The following MTHFD1L variants were observed in gnomAD, a reference collection of about 807,000 sequenced individuals.
MTHFD1L encodes the protein methylenetetrahydrofolate dehydrogenase (NADP+ dependent) 1 like.
Under a neutral mutation model 119.5 loss-of-function variants are expected in MTHFD1L, and 81 were observed. The ratio of observed to expected loss-of-function variants is 0.68; its 90% CI spans 0.57 to 0.82. The LOEUF (loss-of-function observed/expected upper bound fraction) is 0.82. Ranked by LOEUF, MTHFD1L falls within the 40% of genes least tolerant of loss-of-function variation. The probability of loss-of-function intolerance (pLI) is 0.00; values close to 1 mark genes in which losing one functional copy is unlikely to be tolerated. For missense variants in MTHFD1L, 1,125 were observed against 1,253.4 expected, an observed-to-expected ratio of 0.90 and a Z score of 1.55; for synonymous variants, 430 against 475.2, an observed-to-expected ratio of 0.90 and a Z score of 1.24.
At chr6:150,921,529 G>A (rs1055000881) in intron 9 of MTHFD1L, among the ~76,000 whole-genome samples, 1 of 152,186 alleles carries the variant, frequency 6.6e-6, no homozygotes, top group Non-Finnish European at 1.5e-5. Context: ...TGGGATTACA[G>A]GCATGAGCCA....
At chr6:150,880,308 C>G (rs1781200518) in intron 4 of MTHFD1L, among the ~76,000 whole-genome samples, 1 of 152,164 alleles carries the variant, frequency 6.6e-6, no homozygotes, top group Non-Finnish European at 1.5e-5. Flanking sequence ...TTCTCTATTT[C>G]TATGAGATCA....
At chr6:150,915,243 A>C (rs773604944) in intron 8 of MTHFD1L, among the ~76,000 whole-genome samples, 8 of 152,094 alleles carry the variant, frequency 5.3e-5, no homozygotes, top group Non-Finnish European at 1.2e-4. Context: ...TAAAACACGA[A>C]ATTTTTTTTG....
intron 11 of MTHFD1L, chr6:150,935,394 C>G (rs1791885999): frequency 1.9e-6 from 3 of 1,613,920 alleles, no homozygotes; most frequent in Non-Finnish European, 2.5e-6. Context: ...AACTCATTGT[C>G]TCTTTCAGAA....
chr6:150,896,907 A>T (rs1254551439), intron 7 of MTHFD1L, among the ~76,000 whole-genome samples: 2 of 151,884 alleles, frequency 1.3e-5, no homozygotes, highest in Non-Finnish European at 2.9e-5. Flanking sequence ...AGGAATCGAG[A>T]CCATCCTGGC....
intron 26 of MTHFD1L, among the ~76,000 whole-genome samples, chr6:151,055,500 T>C (rs191711559): frequency 4.0e-5 from 6 of 151,846 alleles, no homozygotes; most frequent in Admixed American, 3.3e-4. Context: ...AGAAATATTA[T>C]ATACTATGTT....
chr6:150,971,611 T>C (rs959609015), intron 19 of MTHFD1L, among the ~76,000 whole-genome samples: 4 of 152,214 alleles, frequency 2.6e-5, no homozygotes, highest in Non-Finnish European at 5.9e-5. Context: ...TAAAAAAATA[T>C]AGTGCATGGC....
intron 14 of MTHFD1L, 22 bp downstream of exon 14, chr6:150,944,615 C>A (rs1301230556): frequency 1.0e-5 from 16 of 1,560,736 alleles, no homozygotes; most frequent in Non-Finnish European, 1.4e-5. Flanking sequence ...GCCTTGCTAG[C>A]CATTTTGGGT....
At chr6:150,886,378 G>C (rs559939552) in intron 6 of MTHFD1L, among the ~76,000 whole-genome samples, 2 of 143,634 alleles carry the variant, frequency 1.4e-5, no homozygotes, top group African/African-American at 5.2e-5. Context: ...TGAGGTTACA[G>C]TGAGCTGTGA....
chr6:150,920,423 C>T (rs1583560170), intron 9 of MTHFD1L, among the ~76,000 whole-genome samples: 1 of 152,150 alleles, frequency 6.6e-6, no homozygotes, highest in Non-Finnish European at 1.5e-5. Flanking sequence ...TCATTTCTTT[C>T]TTATGTACAG....
Position 151,093,240 on chromosome 6 carries a change from G to A in MTHFD1L, c.*31+653G>A, listed in dbSNP as rs891897429. 1.3e-4 allele frequency among the ~76,000 whole-genome samples: 20 copies of A among 152,252 alleles called. No homozygotes were observed. In the East Asian group the frequency reaches 3.1e-3, roughly 24 times the overall value. On this transcript the variant is annotated intron_variant, in intron 27 of 27. Coordinates refer to ENST00000367321, the MANE Select transcript of MTHFD1L (RefSeq NM_015440.5). ...CCCACCTTGCAGCTGCGTCACTCCC[G>A]TCTCAGCCTCTGTGGTCCCACCACG...
chr6:150,910,308 A>C (rs1002498390), intron 8 of MTHFD1L, among the ~76,000 whole-genome samples: 2 of 152,154 alleles, frequency 1.3e-5, no homozygotes, highest in Non-Finnish European at 2.9e-5. Flanking sequence ...TCACGCCTGT[A>C]ATCCTAGCAC....
At chr6:151,009,429 G>A (rs540833811) in intron 20 of MTHFD1L, among the ~76,000 whole-genome samples, 1 of 151,948 alleles carries the variant, frequency 6.6e-6, no homozygotes, top group South Asian at 2.1e-4. Flanking sequence ...AGCTACTCAG[G>A]AGGCTGAGTC....
intron 24 of MTHFD1L, among the ~76,000 whole-genome samples, chr6:151,016,530 G>A (rs1425470968): frequency 6.7e-6 from 1 of 148,738 alleles, no homozygotes; most frequent in Non-Finnish European, 1.5e-5. Flanking sequence ...ACCATCTTGG[G>A]CAGGCTGGTC....
chr6:150,905,792 T>G (rs1174814671), intron 8 of MTHFD1L, 31 bp downstream of exon 8: 6 of 1,480,518 alleles, frequency 4.1e-6, no homozygotes, highest in South Asian at 1.1e-5. Context: ...GTTGAGCCAC[T>G]GATTAGGTCA....
intron 1 of MTHFD1L, among the ~76,000 whole-genome samples, chr6:150,869,901 C>T (rs368584144): frequency 1.6e-4 from 25 of 152,214 alleles, no homozygotes; most frequent in African/African-American, 5.1e-4. Flanking sequence ...TCCCAAGTAG[C>T]TGGGATTACA....
At chr6:150,969,021 G>A (rs535197863) in intron 19 of MTHFD1L, among the ~76,000 whole-genome samples, 27 of 149,856 alleles carry the variant, frequency 1.8e-4, no homozygotes, top group African/African-American at 5.9e-4. Context: ...GCTAATTTTT[G>A]TATTTTTAGT....
chr6:151,094,689 G>A (rs1004356418), intron 27 of MTHFD1L, among the ~76,000 whole-genome samples: 1 of 152,092 alleles, frequency 6.6e-6, no homozygotes, highest in African/African-American at 2.4e-5. Flanking sequence ...GATTACAGGC[G>A]TCCACCACCA....
intron 20 of MTHFD1L, among the ~76,000 whole-genome samples, chr6:150,990,634 T>C (rs1778944891): frequency 1.3e-5 from 2 of 151,740 alleles, no homozygotes; most frequent in African/African-American, 4.8e-5. Context: ...TATTTTTTTG[T>C]ATTTTTTAGT....
chr6:150,959,408 T>C (rs1796110508), intron 17 of MTHFD1L, among the ~76,000 whole-genome samples: 1 of 152,238 alleles, frequency 6.6e-6, no homozygotes. Flanking sequence ...GAAACATTCC[T>C]AGTGGCTGAA....
Sources: allele counts gnomAD v4.1 joint callset (sites outside exome capture counted in the v4.1 genomes callset), GRCh38; gene constraint gnomAD v4.1.1; transcripts MANE v1.5; gene names NCBI Gene and HGNC (gene_info 2026-07-23, HGNC 2026-07-21).